Variants in GLRA2 observed in about 807,000 individuals in gnomAD.
GLRA2 encodes glycine receptor alpha 2, also known as glycine receptor subunit alpha-2.
Under a neutral mutation model 31.6 loss-of-function variants are expected in GLRA2, and 11 were observed. That is an observed-to-expected ratio of 0.35 (90% CI 0.22 to 0.58). The LOEUF (loss-of-function observed/expected upper bound fraction) is 0.58, where lower values mean the gene tolerates loss of function less well. GLRA2 is among the 20% of genes least tolerant of loss of function. The pLI is 0.84. For missense variants in GLRA2, 212 were observed against 351.8 expected, an observed-to-expected ratio of 0.60 and a Z score of 3.18; for synonymous variants, 132 against 134.0, an observed-to-expected ratio of 0.99 and a Z score of 0.10.
intron 8 of GLRA2, among the ~76,000 whole-genome samples, chrX:14,694,410 G>T (rs868450551): frequency 8.9e-6 from 1 of 112,092 alleles, no homozygotes; most frequent in Middle Eastern, 4.7e-3. Context: ...GAGGGACAAA[G>T]AAGTAGAAAA....
the GLRA2 span, among the ~76,000 whole-genome samples, chrX:14,455,913 A>G: frequency 1.1e-4 from 12 of 111,843 alleles, no homozygotes; most frequent in South Asian, 3.7e-4. Context: ...TATATTCGTA[A>G]ATGAAATTAG....
chrX:14,551,807 G>T (rs1315057139), intron 2 of GLRA2, among the ~76,000 whole-genome samples: 1 of 111,319 alleles, frequency 9.0e-6, no homozygotes, highest in African/African-American at 3.3e-5. Context: ...GTAAGTCTGA[G>T]ACATGAAGTC....
chrX:14,680,059 G>C (rs1316174569), intron 7 of GLRA2, among the ~76,000 whole-genome samples: 1 of 112,410 alleles, frequency 8.9e-6, no homozygotes, highest in African/African-American at 3.2e-5. Context: ...TACCATTTTA[G>C]TTCAAAAGTA....
chrX:14,462,243 G>A, the GLRA2 span, among the ~76,000 whole-genome samples: 1 of 111,618 alleles, frequency 9.0e-6, no homozygotes, highest in Non-Finnish European at 1.9e-5. Context: ...GCTTCCCTTT[G>A]TGGGTAACCT....
At chrX:14,588,742 G>A (rs756820787) in intron 4 of GLRA2, among the ~76,000 whole-genome samples, 9 of 111,317 alleles carry the variant, frequency 8.1e-5, no homozygotes, top group East Asian at 2.8e-4. Flanking sequence ...TAGTTGTGTC[G>A]TCTCTGATTT....
intron 8 of GLRA2, among the ~76,000 whole-genome samples, chrX:14,721,060 C>A (rs1569527088): frequency 9.5e-6 from 1 of 104,905 alleles, no homozygotes; most frequent in Non-Finnish European, 1.9e-5. Flanking sequence ...GTCGAGGCTG[C>A]AGTGAGCTGT....
At chrX:14,681,564 C>T (rs2147168482) in intron 7 of GLRA2, among the ~76,000 whole-genome samples, 1 of 110,630 alleles carries the variant, frequency 9.0e-6, no homozygotes, top group East Asian at 2.8e-4. Flanking sequence ...AAAAAATAAA[C>T]CTACAGTCTA....
chrX:14,581,220 A>G lies in GLRA2; in HGVS notation c.308A>G (p.Asn103Ser). 1 of 1,194,084 alleles carries G rather than the reference A, an allele frequency of 8.4e-7. No individual in the cohort carries two copies. ...RVNIFLRQQWNDSRLAYSEYP... is the reference protein window; with the variant it reads ...RVNIFLRQQWSDSRLAYSEYP... ...AATATTTTTCTGAGACAACAGTGGAATGATTCACGGCTGGCGTACAGTGAG... is the reference window on the plus strand; with the variant it reads ...AATATTTTTCTGAGACAACAGTGGAGTGATTCACGGCTGGCGTACAGTGAG... Residue 103 changes from asparagine to serine, a missense_variant, in exon 4 of 9, where the codon AAT becomes AGT. Around this residue, in one of 5 missense-constraint regions of GLRA2, gnomAD observed 110 missense variants for 232.6 expected, o/e 0.47. Transcript: ENST00000218075.
At chrX:14,629,494 C>T (rs1279664181) in intron 7 of GLRA2, among the ~76,000 whole-genome samples, 1 of 111,521 alleles carries the variant, frequency 9.0e-6, no homozygotes, top group Non-Finnish European at 1.9e-5. Flanking sequence ...TGCAGCCCTA[C>T]CTCTGTGACA....
At chrX:14,559,188 C>T (rs1227283281) in intron 2 of GLRA2, among the ~76,000 whole-genome samples, 4 of 110,991 alleles carry the variant, frequency 3.6e-5, no homozygotes, top group Non-Finnish European at 7.5e-5. Context: ...TTTGATGAGT[C>T]CAAAGCTGTC....
chrX:14,499,546 G>T, the GLRA2 span, among the ~76,000 whole-genome samples: 1 of 111,397 alleles, frequency 9.0e-6, no homozygotes. Context: ...ATGAAATAAT[G>T]TCCTTTGCAG....
rs1009832194 is a variant in GLRA2, at chrX:14,529,754, G to A, written c.-304G>A. On this transcript the variant is annotated 5_prime_UTR_variant, in exon 1 of 9. An upstream open reading frame in the 5' UTR loses its in-frame stop. Coordinates refer to ENST00000218075, the MANE Select transcript of GLRA2 (RefSeq NM_002063.4). The stretch of plus-strand genomic sequence containing the variant: ...TTGTCACCAACTCCCTTTGCATGGT[G>A]ATGCGATTAAGGTAGCAGCATTTTT... 1.2e-5 allele frequency: 4 copies of A among 326,688 alleles called. No homozygotes were observed. Among genetic ancestry groups the A allele is most frequent in the Admixed American group, 1.1e-4 (2 of 18,017 alleles). 26.9% of individuals were successfully genotyped at this position (326,688 alleles called of 1,213,427 possible).
At chrX:14,548,496 C>A (rs191227642) in intron 2 of GLRA2, among the ~76,000 whole-genome samples, 1 of 111,507 alleles carries the variant, frequency 9.0e-6, no homozygotes, top group Admixed American at 9.5e-5. Context: ...TAGGACACTG[C>A]GCTAAGTACA....
At chrX:14,548,164 T>C (rs1473729286) in intron 2 of GLRA2, among the ~76,000 whole-genome samples, 1 of 111,837 alleles carries the variant, frequency 8.9e-6, no homozygotes, top group Non-Finnish European at 1.9e-5. Flanking sequence ...TTTATCATTC[T>C]TGTTATTTAG....
chrX:14,681,989 ATATG>A (rs750879379), intron 7 of GLRA2, among the ~76,000 whole-genome samples: 2 of 79,833 alleles, frequency 2.5e-5, no homozygotes, highest in Admixed American at 1.4e-4. Context: ...ATGTATTTAT[ATATG>A]TATGTGTGTG....
intron 8 of GLRA2, among the ~76,000 whole-genome samples, chrX:14,717,803 G>A (rs1601887017): frequency 9.3e-6 from 1 of 108,097 alleles, no homozygotes; most frequent in Non-Finnish European, 1.9e-5. Flanking sequence ...TTTTGAGCAC[G>A]CATTAGATTA....
In GLRA2 at chrX:14,632,837, C is replaced by T. The variant is rs527864117; in HGVS notation, c.930+23632C>T. 4.4e-4 allele frequency among the ~76,000 whole-genome samples: 49 copies of T among 111,519 alleles called. 1 individual carries two copies. In the South Asian group the frequency reaches 0.018, roughly 41 times the overall value. On this transcript the variant is annotated intron_variant, in intron 7 of 8. Transcript: ENST00000218075. ...ATCAATTTAATAAATATTCAAGGTA[C>T]ACATACTGTATTAGGTATTAAATAG...
rs2091994074 is a variant in GLRA2, at chrX:14,731,570, A to G, written c.*1085A>G. The G allele has an allele frequency of 8.9e-6, 1 of 111,921 alleles. No individual in the cohort carries two copies. Among genetic ancestry groups the G allele is most frequent in the Admixed American group, 9.5e-5 (1 of 10,484 alleles). The allele number at this position is 111,921 out of a possible 1,213,427, so 9.2% of individuals were successfully genotyped here. A position where few individuals can be genotyped will look rare whatever the true frequency, so the allele number is the denominator to read the frequency against. ...AGTGAACATTGTTTTAAATATCCTT[A>G]ACTAACTTAAAGAATTTTAAAATTG... On this transcript the variant is annotated 3_prime_UTR_variant, in exon 9 of 9. Coordinates refer to ENST00000218075, the MANE Select transcript of GLRA2 (RefSeq NM_002063.4).
intron 7 of GLRA2, among the ~76,000 whole-genome samples, chrX:14,657,268 T>G (rs1233593730): frequency 1.8e-5 from 2 of 111,577 alleles, no homozygotes; most frequent in African/African-American, 6.5e-5. Context: ...AAACCAAGAG[T>G]GTCATCATCA....
Sources: gnomAD v4.1 joint callset for allele counts (sites outside exome capture counted in the v4.1 genomes callset) on GRCh38, gnomAD v4.1.1 for gene constraint, gnomAD v4.1.1 regional missense constraint, MANE v1.5 for transcripts, NCBI Gene and HGNC (gene_info 2026-07-23, HGNC 2026-07-21) for gene names.